BIVM: variants seen among roughly 807,000 people sequenced by gnomAD.
BIVM encodes basic immunoglobulin-like variable motif-containing protein.
BIVM carries 31 observed loss-of-function variants against 61.4 expected under a neutral mutation model. That is an observed-to-expected ratio of 0.51 (90% CI 0.38 to 0.68). BIVM has a LOEUF of 0.68. Ranked by LOEUF, BIVM falls within the 30% of genes least tolerant of loss-of-function variation. The pLI, the probability that BIVM is intolerant of heterozygous loss-of-function variation, is 0.00. For missense variants in BIVM, 526 were observed against 596.0 expected, an observed-to-expected ratio of 0.88 and a Z score of 1.22; for synonymous variants, 189 against 210.7, an observed-to-expected ratio of 0.90 and a Z score of 0.89.
intron 3 of BIVM, among the ~76,000 whole-genome samples, chr13:102,809,818 C>T (rs1325102390): frequency 6.7e-6 from 1 of 149,938 alleles, no homozygotes; most frequent in Non-Finnish European, 1.5e-5. Context: ...CAGAGTCTCG[C>T]TCTGTCGCCC....
At chr13:102,810,925 C>T (rs1330931156) in intron 3 of BIVM, among the ~76,000 whole-genome samples, 1 of 152,024 alleles carries the variant, frequency 6.6e-6, no homozygotes, top group Non-Finnish European at 1.5e-5. Context: ...GAGATAGAGT[C>T]TCACTATGTT....
chr13:102,828,786 T>G (rs963213434), intron 7 of BIVM, among the ~76,000 whole-genome samples: 3 of 152,026 alleles, frequency 2.0e-5, no homozygotes, highest in African/African-American at 7.2e-5. Context: ...CCCAGCAGGT[T>G]GGGAGGCCGA....
chr13:102,820,765 G>A lies in BIVM; in HGVS notation c.606-272G>A. The A allele has an allele frequency of 2.3e-5, 8 of 345,974 alleles. 1 individual carries two copies. The South Asian group carries it at 2.6e-4, about 11-fold the overall frequency. 21.4% of individuals were successfully genotyped at this position (345,974 alleles called of 1,614,324 possible). ...AGGAGTTTACACCAAACTTTTAATA[G>A]GCGATATATCATTATTTTTTTTCCC... On this transcript the variant is annotated intron_variant, in intron 4 of 10. Transcript: ENST00000257336.
At chr13:102,828,969 G>T (rs1373323204) in intron 7 of BIVM, among the ~76,000 whole-genome samples, 1 of 150,914 alleles carries the variant, frequency 6.6e-6, no homozygotes, top group Admixed American at 6.6e-5. Flanking sequence ...GGTGGAGGTT[G>T]CAGTGAGCTG....
At chr13:102,833,220 C>T (rs901029078) in intron 8 of BIVM, among the ~76,000 whole-genome samples, 3 of 150,622 alleles carry the variant, frequency 2.0e-5, no homozygotes, top group African/African-American at 4.9e-5. Context: ...GGCAACAGAG[C>T]GAGATCCTTT....
intron 7 of BIVM, among the ~76,000 whole-genome samples, chr13:102,826,865 C>G (rs906503091): frequency 6.6e-6 from 1 of 152,072 alleles, no homozygotes; most frequent in Non-Finnish European, 1.5e-5. Flanking sequence ...CAGGAAGACC[C>G]AGAGAAATTA....
Position 102,838,738 on chromosome 13 carries a change from AG to A in BIVM, c.1218+1del. ...ERGLQYRKTKKVGGNLHCIIA... is the reference protein window; with the variant it reads ...ERGLQYRKTKXVGGNLHCIIA... The stretch of plus-strand genomic sequence containing the variant: ...GGACTGCAGTATAGAAAAACAAAGA[AG>A]GTAAGAAGAACACCATTGTGTTTGA... On this transcript the variant is annotated frameshift_variant and splice_region_variant, in exon 10 of 11. Coordinates refer to ENST00000257336, the MANE Select transcript of BIVM (RefSeq NM_017693.4). LOFTEE classifies it high-confidence loss of function. 6.2e-7 allele frequency: 1 copy of A among 1,611,056 alleles called. No individual in the cohort carries two copies. The highest frequency in any genetic ancestry group is 8.5e-7 in the Non-Finnish European group (1 of 1,178,878).
At chr13:102,836,416 G>A (rs532096038) in intron 9 of BIVM, among the ~76,000 whole-genome samples, 79 of 152,248 alleles carry the variant, frequency 5.2e-4, no homozygotes, top group African/African-American at 1.8e-3. Context: ...GGGTTCAAGT[G>A]ATCCTCCCAT....
intron 8 of BIVM, among the ~76,000 whole-genome samples, chr13:102,832,884 T>C (rs1030467550): frequency 1.3e-5 from 2 of 152,192 alleles, no homozygotes; most frequent in Non-Finnish European, 2.9e-5. Context: ...GACTAAGTTT[T>C]AATGGTTTTT....
At chr13:102,825,663 T>C (rs2140484306) in intron 7 of BIVM, among the ~76,000 whole-genome samples, 1 of 152,372 alleles carries the variant, frequency 6.6e-6, no homozygotes, top group Non-Finnish European at 1.5e-5. Flanking sequence ...TCCTTAGGCC[T>C]ATGTGCCTCA....
intron 4 of BIVM, among the ~76,000 whole-genome samples, chr13:102,819,603 C>T (rs949339731): frequency 1.3e-5 from 2 of 151,990 alleles, no homozygotes; most frequent in Admixed American, 6.6e-5. Flanking sequence ...GGCCCTGTCG[C>T]GGGGTGGGAA....
At chr13:102,806,352 T>A (rs1344953185) in intron 2 of BIVM, among the ~76,000 whole-genome samples, 2 of 152,072 alleles carry the variant, frequency 1.3e-5, no homozygotes, top group African/African-American at 4.8e-5. Context: ...CAGGTTCAAG[T>A]GAGTCTTATG....
chr13:102,839,456 A>G, intron 10 of BIVM, 116 bp from the exon 11 acceptor site: 1 of 1,352,674 alleles, frequency 7.4e-7, no homozygotes, highest in Non-Finnish European at 1.0e-6. Context: ...CTGGAAGGAA[A>G]GTACCATTCT....
chr13:102,828,995 C>G (rs1880869104), intron 7 of BIVM, among the ~76,000 whole-genome samples: 1 of 149,666 alleles, frequency 6.7e-6, no homozygotes, highest in Non-Finnish European at 1.5e-5. Context: ...GTGCCATGCA[C>G]TCCAGCCTGG....
At chr13:102,828,556 G>A (rs1880837204) in intron 7 of BIVM, among the ~76,000 whole-genome samples, 1 of 152,108 alleles carries the variant, frequency 6.6e-6, no homozygotes, top group African/African-American at 2.4e-5. Context: ...CTCATGTACT[G>A]GTTTTCTCCA....
chr13:102,821,974 T>C, intron 6 of BIVM, 91 bp from the exon 7 acceptor site: 1 of 1,547,156 alleles, frequency 6.5e-7, no homozygotes, highest in Non-Finnish European at 8.9e-7. Context: ...GTATACCAAC[T>C]TTGGGCTATG....
rs1199982971 is a variant in BIVM, at chr13:102,807,295, T to C, written c.28T>C (p.Ser10Pro). 2.5e-6 allele frequency: 4 copies of C among 1,611,192 alleles called. No individual in the cohort carries two copies. The East Asian group carries it at 6.7e-5, about 27-fold the overall frequency. Residue 10 changes from serine to proline, a missense_variant, in exon 3 of 11, where the codon TCA becomes CCA. By Grantham distance (74) the Ser-to-Pro change is moderately conservative. Transcript: ENST00000257336. The surrounding 1 kb of genome is among the most constrained non-coding windows in gnomAD (Gnocchi z 4.0). Reference protein sequence around the residue: MPNVAETERSNDSGNGEHKS... With the variant: MPNVAETERPNDSGNGEHKS... ...GCCTAACGTTGCAGAAACAGAAAGG[T>C]CAAATGATTCTGGAAATGGTGAGCA...
intron 8 of BIVM, 99 bp downstream of exon 8, chr13:102,831,796 G>A (rs552195914): frequency 3.1e-5 from 42 of 1,340,112 alleles, no homozygotes; most frequent in East Asian, 1.5e-4. Context: ...TTGGGAGGCC[G>A]AGGTGGGCGG....
rs1433341223 is a variant in BIVM, at chr13:102,822,147, G to T, written c.889G>T (p.Ala297Ser). The T allele has an allele frequency of 6.2e-7, 1 of 1,613,698 alleles. No individual in the cohort carries two copies. ...LYKPHGKNKT[A>S]GETASGALSK... Reference sequence around the variant, plus strand: ...TAAGCCTCATGGGAAGAATAAAACAGCAGGAGAAACTGGTAGGTAAACATA... The same window carrying T: ...TAAGCCTCATGGGAAGAATAAAACATCAGGAGAAACTGGTAGGTAAACATA... Residue 297 changes from alanine (A) to serine (S), a missense_variant, in exon 7 of 11, where the codon GCA becomes TCA. Physicochemically the swap from Ala to Ser is moderately conservative, Grantham distance 99 (BLOSUM62 1). Transcript: ENST00000257336.
Sources: allele counts gnomAD v4.1 joint callset (sites outside exome capture counted in the v4.1 genomes callset), GRCh38; gene constraint gnomAD v4.1.1; non-coding constraint Gnocchi (gnomAD v3.1); transcripts MANE v1.5; gene names NCBI Gene and HGNC (gene_info 2026-07-23, HGNC 2026-07-21).